The following CEP112 variants were observed in gnomAD, a reference collection of about 807,000 sequenced individuals.
The protein encoded by CEP112 is centrosomal protein 112.
CEP112 carries 127 observed loss-of-function variants against 153.0 expected under a neutral mutation model. The observed-to-expected ratio is 0.83, with a 90% CI of 0.72 to 0.96. CEP112 has a LOEUF of 0.96. Ranked by LOEUF, CEP112 falls within the 40% of genes least tolerant of loss-of-function variation. The pLI is 0.00. For synonymous variants in CEP112, 358 were observed against 374.4 expected (o/e 0.96, Z 0.51); for missense variants, 1,089 against 1,101.2 (o/e 0.99, Z 0.16).
chr17:65,850,658 A>G (rs1194470918), intron 21 of CEP112, among the ~76,000 whole-genome samples: 1 of 152,140 alleles, frequency 6.6e-6, no homozygotes, highest in African/African-American at 2.4e-5. Flanking sequence ...TGTCACTCCT[A>G]TGCTCAAAAT....
intron 12 of CEP112, among the ~76,000 whole-genome samples, chr17:66,037,713 A>C (rs144357267): frequency 1.1e-3 from 174 of 152,242 alleles, no homozygotes; most frequent in African/African-American, 3.2e-3. Context: ...ATAGAAATAA[A>C]AAGGACAGGC....
At chr17:65,790,595 C>G (rs962607182) in intron 21 of CEP112, among the ~76,000 whole-genome samples, 2 of 152,184 alleles carry the variant, frequency 1.3e-5, no homozygotes, top group Non-Finnish European at 2.9e-5. Flanking sequence ...CAGTCCTCAG[C>G]TCCTTCGATC....
rs191692331 is a variant in CEP112 at position 66,161,311 on chromosome 17, G to A, written c.470+13733C>T. Among the ~76,000 whole-genome samples the A allele has an allele frequency of 1.5e-3, 222 of 152,256 alleles. 3 individuals carry two copies. Among genetic ancestry groups the A allele is most frequent in the Non-Finnish European group, 5.7e-4 (39 of 68,018 alleles). ...GGATCTAGAACCAGAAATACCATTT[G>A]ACCTAGTAATCTCATTACTGGGTAT... On this transcript the variant is annotated intron_variant, in intron 4 of 26. Transcript: ENST00000535342.
At chr17:65,932,140 C>G (rs2061147618) in intron 18 of CEP112, among the ~76,000 whole-genome samples, 1 of 152,178 alleles carries the variant, frequency 6.6e-6, no homozygotes, top group African/African-American at 2.4e-5. Context: ...GGAGCCACAC[C>G]TGACTTCATA....
intron 24 of CEP112, among the ~76,000 whole-genome samples, chr17:65,653,603 AG>A (rs1367908839): frequency 6.6e-6 from 1 of 152,166 alleles, no homozygotes; most frequent in Non-Finnish European, 1.5e-5. Context: ...AGGGTGGCGA[AG>A]GGCCAGAGGA....
At chr17:65,761,738 T>C (rs1242125036) in intron 21 of CEP112, among the ~76,000 whole-genome samples, 1 of 152,108 alleles carries the variant, frequency 6.6e-6, no homozygotes, top group Admixed American at 6.6e-5. Flanking sequence ...TTTAGTTCCA[T>C]TGTGGTCTGA....
At chr17:65,710,367 C>A (rs1340144489) in intron 23 of CEP112, among the ~76,000 whole-genome samples, 2 of 152,104 alleles carry the variant, frequency 1.3e-5, no homozygotes, top group East Asian at 3.9e-4. Flanking sequence ...ATATTATTTT[C>A]ATATCTTTTT....
chr17:66,064,658 T>C (rs560423071), intron 10 of CEP112, among the ~76,000 whole-genome samples: 46 of 152,188 alleles, frequency 3.0e-4, no homozygotes, highest in Admixed American at 6.5e-4. Context: ...TGTGGGTCTT[T>C]ACCATCTACA....
At chr17:66,062,283 T>C (rs570623579) in intron 11 of CEP112, among the ~76,000 whole-genome samples, 308 of 152,066 alleles carry the variant, frequency 2.0e-3, no homozygotes, top group African/African-American at 6.9e-3. Context: ...AAATGGACAA[T>C]ATAATAAAAA....
intron 24 of CEP112, among the ~76,000 whole-genome samples, chr17:65,664,685 G>A (rs1035316221): frequency 1.3e-5 from 2 of 152,148 alleles, no homozygotes; most frequent in African/African-American, 4.8e-5. Context: ...GACAATGAAT[G>A]CCAAGGTTTC....
chr17:65,699,162 T>A (rs1329837553), intron 23 of CEP112, among the ~76,000 whole-genome samples: 3 of 152,242 alleles, frequency 2.0e-5, no homozygotes, highest in African/African-American at 4.8e-5. Flanking sequence ...TCTTTTCTCA[T>A]TTTAGGCTCT....
chr17:65,651,973 G>A (rs527660940), intron 24 of CEP112, among the ~76,000 whole-genome samples: 2 of 152,324 alleles, frequency 1.3e-5, no homozygotes, highest in African/African-American at 4.8e-5. Flanking sequence ...AAAGTGCTGG[G>A]ATAACAGGCA....
At chr17:66,015,676 C>G (rs2064739003) in intron 16 of CEP112, among the ~76,000 whole-genome samples, 1 of 152,154 alleles carries the variant, frequency 6.6e-6, no homozygotes, top group Non-Finnish European at 1.5e-5. Context: ...TTCCCCTCCC[C>G]CTGGGGTCTG....
chr17:65,964,703 AAGGGTGCT>A (rs1568302131), intron 17 of CEP112, among the ~76,000 whole-genome samples: 1 of 151,814 alleles, frequency 6.6e-6, no homozygotes, highest in Non-Finnish European at 1.5e-5. Flanking sequence ...TGGTTGATGA[AAGGGTGCT>A]GTGGCACTGT....
intron 17 of CEP112, among the ~76,000 whole-genome samples, chr17:65,975,418 A>C (rs2062997627): frequency 6.6e-6 from 1 of 152,226 alleles, no homozygotes; most frequent in Admixed American, 6.5e-5. Context: ...ATGATATAAA[A>C]ACACACATAT....
chr17:65,943,618 C>A (rs1017757211), intron 18 of CEP112, among the ~76,000 whole-genome samples: 5 of 152,114 alleles, frequency 3.3e-5, no homozygotes, highest in Non-Finnish European at 7.3e-5. Context: ...GTGACCTGGC[C>A]TTTCTCTCAG....
chr17:65,723,029 A>G (rs1598401436), intron 23 of CEP112, among the ~76,000 whole-genome samples: 1 of 152,286 alleles, frequency 6.6e-6, no homozygotes, highest in Admixed American at 6.5e-5. Context: ...AAATAAGCCT[A>G]TCTACACAGT....
Position 65,871,567 on chromosome 17 carries a change from G to A in CEP112, c.2164-19533C>T, listed in dbSNP as rs62065119. On this transcript the variant is annotated intron_variant, in intron 20 of 26. Transcript: ENST00000535342. ...GGAGAATGGCATGAATCTGGGAGGC[G>A]GAGATTACAGTGAGCCAAGATCGCA... 7.1e-3 allele frequency among the ~76,000 whole-genome samples: 1,078 copies of A among 152,254 alleles called. 14 individuals are homozygous for A. The highest frequency in any genetic ancestry group is 0.017 in the Middle Eastern group (5 of 294).
chr17:66,083,575 G>A (rs979143796), intron 8 of CEP112, among the ~76,000 whole-genome samples: 6 of 152,202 alleles, frequency 3.9e-5, no homozygotes, highest in South Asian at 2.1e-4. Context: ...GAGGTCAGGC[G>A]CGGTGGCTCA....
Sources: gnomAD v4.1 joint callset for allele counts (sites outside exome capture counted in the v4.1 genomes callset) on GRCh38, gnomAD v4.1.1 for gene constraint, MANE v1.5 for transcripts, NCBI Gene and HGNC (gene_info 2026-07-23, HGNC 2026-07-21) for gene names.